ZNF654: variants seen among roughly 807,000 people sequenced by gnomAD.
The protein encoded by ZNF654 is zinc finger protein 654.
ZNF654 carries 19 observed loss-of-function variants against 95.3 expected under a neutral mutation model. The observed-to-expected ratio is 0.20, with a 90% confidence interval of 0.14 to 0.29. The LOEUF (loss-of-function observed/expected upper bound fraction) is 0.29. ZNF654 is among the 10% of genes least tolerant of loss of function. ZNF654 has a pLI of 1.00. For synonymous variants in ZNF654, 413 were observed against 457.9 expected (o/e 0.90, Z 1.25); for missense variants, 1,046 against 1,341.0 (o/e 0.78, Z 3.44).
chr3:88,061,215 C>T (rs1706862903), intron 1 of ZNF654, among the ~76,000 whole-genome samples: 1 of 151,954 alleles, frequency 6.6e-6, no homozygotes, highest in Non-Finnish European at 1.5e-5. Flanking sequence ...TATTCAGGGG[C>T]TGAAAATCTA....
chr3:88,090,928 A>G (rs1708599390), intron 2 of ZNF654, among the ~76,000 whole-genome samples: 1 of 152,256 alleles, frequency 6.6e-6, no homozygotes, highest in Admixed American at 6.5e-5. Flanking sequence ...GTTGGGCCTC[A>G]TTCAAAGCCA....
intron 2 of ZNF654, 78 bp downstream of exon 2, chr3:88,086,480 A>C (rs1708340608): frequency 3.3e-6 from 4 of 1,214,552 alleles, no homozygotes; most frequent in African/African-American, 1.5e-5. Flanking sequence ...ATTTCTTCTG[A>C]AGAAGAAACC....
At chr3:88,066,186 G>C (rs1297468632) in intron 1 of ZNF654, among the ~76,000 whole-genome samples, 1 of 152,160 alleles carries the variant, frequency 6.6e-6, no homozygotes, top group Non-Finnish European at 1.5e-5. Flanking sequence ...GACCAATGAG[G>C]TTCTAAACTT....
chr3:88,120,872 A>C (rs1705729408), intron 3 of ZNF654, among the ~76,000 whole-genome samples: 1 of 152,106 alleles, frequency 6.6e-6, no homozygotes, highest in Non-Finnish European at 1.5e-5. Flanking sequence ...GTGATATAGT[A>C]ATTCAAAGTC....
chr3:88,096,085 G>C (rs1576264458), intron 2 of ZNF654: 1 of 161,478 alleles, frequency 6.2e-6, no homozygotes, highest in African/African-American at 2.4e-5. Flanking sequence ...GGGCTTGGCA[G>C]ACTGACCTTC....
chr3:88,141,195 C>T, intron 8 of ZNF654, 147 bp downstream of exon 8: 1 of 880,740 alleles, frequency 1.1e-6, no homozygotes, highest in Non-Finnish European at 1.7e-6. Context: ...TCCTTTAATA[C>T]ATACAACCAC....
At chr3:88,073,194 C>A (rs1204249187) in intron 1 of ZNF654, among the ~76,000 whole-genome samples, 1 of 152,088 alleles carries the variant, frequency 6.6e-6, no homozygotes, top group African/African-American at 2.4e-5. Flanking sequence ...TCCACCCAGA[C>A]GTACAGAATC....
In ZNF654 at chr3:88,059,257, C is replaced by T. The variant is rs1339436869; in HGVS notation, c.-63C>T. Reference sequence around the variant, plus strand: ...GAACTAGAGAGGAGGAGGAGGTTAGCCTAGGCATCTACGGCGGCGGCGGCG... The same window carrying T: ...GAACTAGAGAGGAGGAGGAGGTTAGTCTAGGCATCTACGGCGGCGGCGGCG... On this transcript the variant is annotated 5_prime_UTR_variant, in exon 1 of 9. Transcript: ENST00000636215. The T allele has an allele frequency of 9.1e-6, 14 of 1,530,364 alleles. No individual in the cohort carries two copies. Among genetic ancestry groups the T allele is most frequent in the East Asian group, 4.9e-5 (2 of 40,884 alleles). 94.8% of individuals were successfully genotyped at this position (1,530,364 alleles called of 1,614,324 possible).
chr3:88,093,340 T>C (rs1703861909), intron 2 of ZNF654, among the ~76,000 whole-genome samples: 1 of 152,144 alleles, frequency 6.6e-6, no homozygotes, highest in African/African-American at 2.4e-5. Context: ...GAAAAGCAAA[T>C]TGTAATGCTG....
chr3:88,096,809 CT>C (rs1704089181), intron 2 of ZNF654, among the ~76,000 whole-genome samples: 1 of 152,018 alleles, frequency 6.6e-6, no homozygotes, highest in African/African-American at 2.4e-5. Flanking sequence ...TACCTGTCCC[CT>C]AGTTTCCTAG....
intron 3 of ZNF654, among the ~76,000 whole-genome samples, chr3:88,118,874 G>C (rs1705577532): frequency 1.3e-5 from 2 of 151,572 alleles, no homozygotes; most frequent in South Asian, 4.1e-4. Context: ...TCATTAAAAA[G>C]TCAGGAAACA....
intron 2 of ZNF654, among the ~76,000 whole-genome samples, chr3:88,089,214 G>A (rs1164983020): frequency 2.0e-5 from 3 of 148,884 alleles, no homozygotes; most frequent in Admixed American, 6.7e-5. Context: ...AAAAAAGCCC[G>A]GGTGCGGTGG....
At chr3:88,103,469 G>C (rs1377766464) in intron 2 of ZNF654, among the ~76,000 whole-genome samples, 2 of 152,150 alleles carry the variant, frequency 1.3e-5, no homozygotes, top group Admixed American at 1.3e-4. Flanking sequence ...AGAACAGAGT[G>C]TCTAAGAATT....
chr3:88,096,008 A>C (rs1475948033), intron 2 of ZNF654: 2 of 205,566 alleles, frequency 9.7e-6, no homozygotes, highest in Non-Finnish European at 1.9e-5. Flanking sequence ...AGGCCACTGC[A>C]TCCCAGATAC....
Position 88,140,487 on chromosome 3 carries a change from C to G in ZNF654, c.2818C>G (p.Gln940Glu), listed in dbSNP as rs748915617. 2.5e-6 allele frequency: 4 copies of G among 1,613,518 alleles called. No individual in the cohort carries two copies. The African/African-American group carries it at 4.0e-5, about 16-fold the overall frequency. Reference protein sequence around the residue: ...SMEKKTDSLVQNGNERSDDTV... With the variant: ...SMEKKTDSLVENGNERSDDTV... The stretch of plus-strand genomic sequence containing the variant: ...GGAAAAGAAAACAGACAGTTTAGTT[C>G]AGAATGGAAACGAACGTTCTGATGA... Residue 940 changes from glutamine (Q) to glutamate (E), a missense_variant, in exon 8 of 9, where the codon CAG (glutamine) becomes GAG (glutamate). Physicochemically the swap from Gln to Glu is conservative, Grantham distance 29. Around this residue, in one of 9 missense-constraint regions of ZNF654, gnomAD observed 495 missense variants for 537.0 expected, o/e 0.92. Transcript: ENST00000636215.
chr3:88,079,317 T>A (rs910768203), intron 1 of ZNF654, among the ~76,000 whole-genome samples: 1 of 152,084 alleles, frequency 6.6e-6, no homozygotes, highest in Non-Finnish European at 1.5e-5. Flanking sequence ...ACTGAAAATT[T>A]TGTAGACTAT....
intron 1 of ZNF654, among the ~76,000 whole-genome samples, chr3:88,085,384 T>G (rs1489000033): frequency 1.3e-5 from 2 of 152,344 alleles, no homozygotes; most frequent in Middle Eastern, 3.4e-3. Context: ...TTATAGATAT[T>G]GAAATTTGAA....
intron 2 of ZNF654, among the ~76,000 whole-genome samples, chr3:88,104,881 G>A (rs1200145144): frequency 6.6e-6 from 1 of 152,242 alleles, no homozygotes; most frequent in Non-Finnish European, 1.5e-5. Context: ...GCTTACGCCT[G>A]TAATCCCAGC....
rs745437741 is a variant in ZNF654, at chr3:88,140,968, A to G, written c.3299A>G (p.Tyr1100Cys). 7 of 1,613,438 alleles carry G rather than the reference A, an allele frequency of 4.3e-6. No individual in the cohort carries two copies. The highest frequency in any genetic ancestry group is 5.1e-6 in the Non-Finnish European group (6 of 1,179,538). Residue 1100 changes from tyrosine (Y) to cysteine (C), a missense_variant, in exon 8 of 9, where the codon TAC (tyrosine) becomes TGC (cysteine). Tyr to Cys is a radical substitution (Grantham distance 194). Around this residue, in one of 9 missense-constraint regions of ZNF654, gnomAD observed 59 missense variants for 73.0 expected, o/e 0.81. Transcript: ENST00000636215. Reference sequence around the variant, plus strand: ...AGATGTGGCAAATGCCTGACCACCTACTGTAATGCAGAAGCACTTGAGGCT... The same window carrying G: ...AGATGTGGCAAATGCCTGACCACCTGCTGTAATGCAGAAGCACTTGAGGCT... ...RLRCGKCLTT[Y>C]CNAEALEAHL...
Sources: gnomAD v4.1 joint callset for allele counts (sites outside exome capture counted in the v4.1 genomes callset) on GRCh38, gnomAD v4.1.1 for gene constraint, gnomAD v4.1.1 regional missense constraint, MANE v1.5 for transcripts, NCBI Gene and HGNC (gene_info 2026-07-23, HGNC 2026-07-21) for gene names.